STXBP5L: variants seen among roughly 807,000 people sequenced by gnomAD.
The protein encoded by STXBP5L is syntaxin binding protein 5L.
STXBP5L carries 65 observed loss-of-function variants against 144.5 expected under a neutral mutation model. That is an observed-to-expected ratio of 0.45 (90% confidence interval 0.37 to 0.55). STXBP5L has a LOEUF of 0.55. Ranked by LOEUF, STXBP5L falls within the 20% of genes least tolerant of loss-of-function variation. STXBP5L has a pLI of 0.00. For synonymous variants in STXBP5L, 505 were observed against 469.6 expected, an observed-to-expected ratio of 1.08 and a Z score of -0.97; for missense variants, 1,298 against 1,405.5, an observed-to-expected ratio of 0.92 and a Z score of 1.22.
At chr3:121,299,808 A>C (rs2051813600) in intron 19 of STXBP5L, among the ~76,000 whole-genome samples, 2 of 151,822 alleles carry the variant, frequency 1.3e-5, no homozygotes, top group African/African-American at 2.4e-5. Context: ...CCAACATGGC[A>C]AAACCCTGTC....
intron 3 of STXBP5L, among the ~76,000 whole-genome samples, chr3:120,997,566 G>T (rs940853745): frequency 6.6e-6 from 1 of 152,140 alleles, no homozygotes; most frequent in African/African-American, 2.4e-5. Flanking sequence ...TTGGCCATGT[G>T]TATGTCTTCT....
chr3:121,172,356 G>A (rs1453501956), intron 9 of STXBP5L, among the ~76,000 whole-genome samples: 1 of 152,118 alleles, frequency 6.6e-6, no homozygotes, highest in Non-Finnish European at 1.5e-5. Context: ...AAATAAAAGG[G>A]CTTCTGCACA....
chr3:121,344,696 T>TG (rs2044880186), intron 20 of STXBP5L, among the ~76,000 whole-genome samples: 1 of 151,794 alleles, frequency 6.6e-6, no homozygotes, highest in Non-Finnish European at 1.5e-5. Flanking sequence ...AATAAAAGAG[T>TG]TAATAATTCT....
At chr3:121,042,867 T>G (rs759221533) in intron 4 of STXBP5L, among the ~76,000 whole-genome samples, 2 of 151,864 alleles carry the variant, frequency 1.3e-5, no homozygotes, top group Non-Finnish European at 2.9e-5. Context: ...AAGAAAACAT[T>G]TGAAAAATAT....
At chr3:121,116,658 T>C (rs1320828124) in intron 6 of STXBP5L, among the ~76,000 whole-genome samples, 2 of 152,048 alleles carry the variant, frequency 1.3e-5, no homozygotes, top group Non-Finnish European at 2.9e-5. Flanking sequence ...GTGTGAGCTA[T>C]TTTGCTCATT....
Position 121,214,271 on chromosome 3 carries a change from G to T in STXBP5L, c.956+8270G>T, listed in dbSNP as rs550453567. 2.6e-5 allele frequency among the ~76,000 whole-genome samples: 4 copies of T among 152,074 alleles called. No individual in the cohort carries two copies. The East Asian group carries it at 7.7e-4, about 29-fold the overall frequency. ...CTAGCTTTTGAATATGTTTGCTCTT[G>T]CTTCTCTAGTTCTTTTAACTGTGAT... is the stretch of plus-strand genomic sequence containing the variant. On this transcript the variant is annotated intron_variant, in intron 10 of 26. Transcript: ENST00000471454.
intron 3 of STXBP5L, among the ~76,000 whole-genome samples, chr3:120,970,152 T>G (rs1367433563): frequency 1.3e-5 from 2 of 152,130 alleles, no homozygotes; most frequent in Non-Finnish European, 2.9e-5. Flanking sequence ...TCTTAACCAG[T>G]TATTGTAGTA....
chr3:121,181,946 TAA>T (rs767721855), intron 9 of STXBP5L, among the ~76,000 whole-genome samples: 26 of 138,556 alleles, frequency 1.9e-4, no homozygotes, highest in Admixed American at 4.3e-4. Flanking sequence ...CAACAACAGT[TAA>T]AAAAAAAAAA....
intron 19 of STXBP5L, among the ~76,000 whole-genome samples, chr3:121,306,862 C>A (rs1163763539): frequency 6.6e-6 from 1 of 151,874 alleles, no homozygotes; most frequent in Non-Finnish European, 1.5e-5. Context: ...AGGGTACTGT[C>A]AAAAATAATA....
At chr3:121,285,302 G>GGGTC (rs2051193348) in intron 19 of STXBP5L, among the ~76,000 whole-genome samples, 1 of 151,964 alleles carries the variant, frequency 6.6e-6, no homozygotes, top group Non-Finnish European at 1.5e-5. Flanking sequence ...GTCTCTCAAA[G>GGGTC]CCACACAGAA....
intron 2 of STXBP5L, among the ~76,000 whole-genome samples, chr3:120,939,238 C>A (rs1710430944): frequency 6.6e-6 from 1 of 152,076 alleles, no homozygotes; most frequent in Non-Finnish European, 1.5e-5. Context: ...GATATCAGCC[C>A]TGGGTGCAAG....
At chr3:121,171,452 A>G (rs2046714118) in intron 9 of STXBP5L, among the ~76,000 whole-genome samples, 1 of 152,204 alleles carries the variant, frequency 6.6e-6, no homozygotes, top group Non-Finnish European at 1.5e-5. Context: ...TTATATTTAG[A>G]AAACCCCATC....
At chr3:121,320,950 C>T (rs1420718529) in intron 20 of STXBP5L, among the ~76,000 whole-genome samples, 2 of 152,274 alleles carry the variant, frequency 1.3e-5, no homozygotes, top group Non-Finnish European at 2.9e-5. Flanking sequence ...CTGCCCGCCT[C>T]GGCCTCCCAA....
At chr3:121,377,498 C>T (rs945741858) in intron 20 of STXBP5L, among the ~76,000 whole-genome samples, 5 of 152,152 alleles carry the variant, frequency 3.3e-5, no homozygotes, top group African/African-American at 1.2e-4. Context: ...AAGAATAAAA[C>T]AGCCCCATCA....
chr3:121,138,882 C>G (rs2045374224), intron 7 of STXBP5L, among the ~76,000 whole-genome samples: 1 of 151,570 alleles, frequency 6.6e-6, no homozygotes, highest in Non-Finnish European at 1.5e-5. Context: ...GCACAGGCAA[C>G]AAAAGTTAAA....
intron 5 of STXBP5L, among the ~76,000 whole-genome samples, chr3:121,080,933 C>T (rs1277478159): frequency 1.3e-5 from 2 of 152,172 alleles, no homozygotes; most frequent in African/African-American, 2.4e-5. Flanking sequence ...CAAAGTTTTC[C>T]TCAATAATTC....
intron 3 of STXBP5L, among the ~76,000 whole-genome samples, chr3:121,007,123 A>C (rs1177710562): frequency 1.3e-5 from 2 of 151,700 alleles, no homozygotes; most frequent in African/African-American, 4.8e-5. Context: ...GAAGTTCTCC[A>C]GCTTTTTAAA....
At chr3:121,232,015 C>G (rs1403476881) in intron 11 of STXBP5L, among the ~76,000 whole-genome samples, 1 of 152,156 alleles carries the variant, frequency 6.6e-6, no homozygotes, top group Non-Finnish European at 1.5e-5. Flanking sequence ...GGAAGGTTGA[C>G]CTCCAGCCAA....
chr3:121,295,104 T>C (rs555798959), intron 19 of STXBP5L, among the ~76,000 whole-genome samples: 20 of 152,252 alleles, frequency 1.3e-4, no homozygotes, highest in African/African-American at 4.8e-4. Flanking sequence ...GTTTGGGGTT[T>C]TTTTAATTTT....
Sources: gnomAD v4.1 joint callset for allele counts (sites outside exome capture counted in the v4.1 genomes callset) on GRCh38, gnomAD v4.1.1 for gene constraint, MANE v1.5 for transcripts, NCBI Gene and HGNC (gene_info 2026-07-23, HGNC 2026-07-21) for gene names.